Variants in DYRK2 observed in about 807,000 individuals in gnomAD.
The protein encoded by DYRK2 is dual specificity tyrosine phosphorylation regulated kinase 2.
Under a neutral mutation model 41.6 loss-of-function variants are expected in DYRK2, and 12 were observed. The ratio of observed to expected loss-of-function variants is 0.29; its 90% CI spans 0.18 to 0.47. DYRK2 has a LOEUF of 0.47. Among genes scored for constraint, DYRK2 ranks in the 20% least tolerant of loss-of-function variants. The pLI is 1.00. For missense variants in DYRK2, 678 were observed against 798.4 expected, an observed-to-expected ratio of 0.85 and a Z score of 1.82; for synonymous variants, 322 against 315.7, an observed-to-expected ratio of 1.02 and a Z score of -0.21.
At chr12:67,649,220 C>G in intron 1 of DYRK2, 38 bp downstream of exon 1, 1 of 1,454,294 alleles carries the variant, frequency 6.9e-7, no homozygotes, top group South Asian at 1.3e-5. Flanking sequence ...TCCCCGGACC[C>G]CCGCCGGCCC....
At chr12:67,655,058 C>T (rs537738701) in intron 2 of DYRK2, among the ~76,000 whole-genome samples, 15 of 152,210 alleles carry the variant, frequency 9.9e-5, no homozygotes, top group Admixed American at 9.8e-4. Context: ...AGAAGATGGT[C>T]GTTTCTTGTC....
Position 67,658,234 on chromosome 12 carries a change from CA to C in DYRK2, c.1328del (p.Gln443ArgfsTer14). The C allele has an allele frequency of 1.9e-6, 3 of 1,614,196 alleles. No individual in the cohort carries two copies. Among genetic ancestry groups the C allele is most frequent in the Non-Finnish European group, 2.5e-6 (3 of 1,180,038 alleles). ...CMIELLGMPS[Q>X]KLLDASKRAK... Reference sequence around the variant, plus strand: ...GATTGAACTGTTGGGCATGCCCTCACAGAAACTGCTGGATGCATCCAAACGA... The same window carrying C: ...GATTGAACTGTTGGGCATGCCCTCACGAAACTGCTGGATGCATCCAAACGA... On this transcript the variant is annotated frameshift_variant, in exon 3 of 3. Coordinates refer to ENST00000344096, the MANE Select transcript of DYRK2 (RefSeq NM_006482.3). LOFTEE classifies it high-confidence loss of function. This position sits in a 1 kb window ranked among gnomAD's most constrained non-coding sequence, Gnocchi z 4.3.
rs1390937976 is a variant in DYRK2, at chr12:67,649,871, G to A, written c.124G>A (p.Val42Met). 1.5e-6 allele frequency: 2 copies of A among 1,373,082 alleles called. No homozygotes were observed. The highest frequency in any genetic ancestry group is 2.1e-5 in the South Asian group (1 of 47,596). 85.1% of individuals were successfully genotyped at this position (1,373,082 alleles called of 1,614,324 possible). ...CGGTGCAGGGGCCACCCGGAGCGGA[G>A]TGGGGACTGGCCCGCCCTCCCCCAT... ...GLGAGATRSG[V>M]GTGPPSPIAL... Residue 42 changes from valine (V) to methionine (M), a missense_variant, in exon 2 of 3, where the codon GTG becomes ATG. By Grantham distance (21) the Val-to-Met change is conservative. Around this residue, in one of 2 missense-constraint regions of DYRK2, gnomAD observed 285 missense variants for 279.2 expected, o/e 1.02. Transcript: ENST00000344096.
Position 67,648,846 on chromosome 12 carries a change from G to C in DYRK2, c.-288G>C. On this transcript the variant is annotated 5_prime_UTR_variant, in exon 1 of 3. Coordinates refer to ENST00000344096, the MANE Select transcript of DYRK2 (RefSeq NM_006482.3). Reference sequence around the variant, plus strand: ...TGTGAGGGAGACGGGGAGGCCCGCGGCGCGCAGGGGAGGGCGAGGCATGTG... The same window carrying C: ...TGTGAGGGAGACGGGGAGGCCCGCGCCGCGCAGGGGAGGGCGAGGCATGTG... 4.2e-6 allele frequency: 1 copy of C among 237,944 alleles called. No individual in the cohort carries two copies. The highest frequency in any genetic ancestry group is 8.1e-5 in the East Asian group (1 of 12,348). The allele number at this position is 237,944 out of a possible 1,614,324, so 14.7% of individuals were successfully genotyped here. A position where few individuals can be genotyped will look rare whatever the true frequency, so the allele number is the denominator to read the frequency against.
intron 2 of DYRK2, chr12:67,651,520 A>G (rs772760539): frequency 8.9e-6 from 4 of 450,108 alleles, no homozygotes; most frequent in South Asian, 4.8e-5. Context: ...GCACCAGAAA[A>G]GGAAGGATGC....
chr12:67,665,176 TC>T lies in DYRK2; in HGVS notation c.*6465del, dbSNP rs1872713681. On this transcript the variant is annotated 3_prime_UTR_variant, in exon 3 of 3. Coordinates refer to ENST00000344096, the MANE Select transcript of DYRK2 (RefSeq NM_006482.3). ...TTTACAAACTAAAATATTGTGTCTT[TC>T]CTTGCTTTTTATCCCAATTTATCTC... The T allele has an allele frequency of 6.6e-6, 1 of 152,188 alleles. No individual in the cohort carries two copies. Among genetic ancestry groups the T allele is most frequent in the South Asian group, 2.1e-4 (1 of 4,820 alleles). The allele number at this position is 152,188 out of a possible 1,614,324, so 9.4% of individuals were successfully genotyped here.
Position 67,663,433 on chromosome 12 carries a change from A to G in DYRK2, c.*4720A>G, listed in dbSNP as rs546146921. 2.1e-4 allele frequency: 32 copies of G among 152,244 alleles called. No individual in the cohort carries two copies. Among genetic ancestry groups the G allele is most frequent in the African/African-American group, 7.5e-4 (31 of 41,564 alleles). 9.4% of individuals were successfully genotyped at this position (152,244 alleles called of 1,614,324 possible). On this transcript the variant is annotated 3_prime_UTR_variant, in exon 3 of 3. Coordinates refer to ENST00000344096, the MANE Select transcript of DYRK2 (RefSeq NM_006482.3). ...ATTTCCCTTCTGTTACCAACAGCCAAGGAATTACTTAGTGTGGCTCCCTGC... is the reference window on the plus strand; with the variant it reads ...ATTTCCCTTCTGTTACCAACAGCCAGGGAATTACTTAGTGTGGCTCCCTGC...
In DYRK2 at chr12:67,658,702, C is replaced by A; in HGVS notation, c.1795C>A (p.Leu599Ile). Residue 599 changes from leucine (L) to isoleucine (I), a missense_variant, in exon 3 of 3, where the codon CTT (leucine) becomes ATT (isoleucine). This residue lies in a region of DYRK2 where 393 missense variants were observed against 519.1 expected (regional missense o/e 0.76). Transcript: ENST00000344096. This position sits in a 1 kb window ranked among gnomAD's most constrained non-coding sequence, Gnocchi z 4.3. ...TCAGCAGAGGACAGTGTTGCCAAAACTTGTTAGCTGAGCTCACGTCCCCTG... is the reference window on the plus strand; with the variant it reads ...TCAGCAGAGGACAGTGTTGCCAAAAATTGTTAGCTGAGCTCACGTCCCCTG... ...NIQQRTVLPK[L>I]VS 6.2e-7 allele frequency: 1 copy of A among 1,604,928 alleles called. No homozygotes were observed. The highest frequency in any genetic ancestry group is 8.5e-7 in the Non-Finnish European group (1 of 1,175,482).
chr12:67,657,896 A>G lies in DYRK2; in HGVS notation c.989A>G (p.His330Arg). Residue 330 changes from histidine (H) to arginine (R), a missense_variant, in exon 3 of 3, where the codon CAC becomes CGC. Physicochemically the swap from His to Arg is conservative, Grantham distance 29 (BLOSUM62 0). Transcript: ENST00000344096. This position sits in a 1 kb window ranked among gnomAD's most constrained non-coding sequence, Gnocchi z 4.8. Reference sequence around the variant, plus strand: ...CTGCCTTTGGTTCGCAAGTTTGCCCACTCGATTCTGCAGTGCTTGGATGCT... The same window carrying G: ...CTGCCTTTGGTTCGCAAGTTTGCCCGCTCGATTCTGCAGTGCTTGGATGCT... ...FSLPLVRKFA[H>R]SILQCLDALH... 6.2e-7 allele frequency: 1 copy of G among 1,614,208 alleles called. No individual in the cohort carries two copies. The highest frequency in any genetic ancestry group is 8.5e-7 in the Non-Finnish European group (1 of 1,180,040).
At chr12:67,652,062 G>A (rs1480887805) in intron 2 of DYRK2, among the ~76,000 whole-genome samples, 1 of 151,994 alleles carries the variant, frequency 6.6e-6, no homozygotes, top group Non-Finnish European at 1.5e-5. Flanking sequence ...GGGCGGGAGG[G>A]CATTAAGGAG....
Position 67,663,910 on chromosome 12 carries a change from T to C in DYRK2, c.*5197T>C, listed in dbSNP as rs535233737. 2 of 152,292 alleles carry C rather than the reference T, an allele frequency of 1.3e-5. No individual in the cohort carries two copies. The highest frequency in any genetic ancestry group is 4.8e-5 in the African/African-American group (2 of 41,574). The allele number at this position is 152,292 out of a possible 1,614,324, so 9.4% of individuals were successfully genotyped here. A position where few individuals can be genotyped will look rare whatever the true frequency, so the allele number is the denominator to read the frequency against. ...TTGTCTTCAAACTAGCTCTAGAAAA[T>C]GTCCCTAGTTGACATTAGTGTTGGT... On this transcript the variant is annotated 3_prime_UTR_variant, in exon 3 of 3. Coordinates refer to ENST00000344096, the MANE Select transcript of DYRK2 (RefSeq NM_006482.3).
intron 2 of DYRK2, among the ~76,000 whole-genome samples, chr12:67,652,996 A>ATTTTTTTT (rs538431655): frequency 6.6e-6 from 1 of 151,366 alleles, no homozygotes; most frequent in African/African-American, 2.5e-5. Flanking sequence ...TGCCTGGCTA[A>ATTTTTTTT]TTTTTGTATT....
chr12:67,649,813 C>T lies in DYRK2; in HGVS notation c.66C>T (p.Ser22=). 1 of 1,328,712 alleles carries T rather than the reference C, an allele frequency of 7.5e-7. No individual in the cohort carries two copies. The allele number at this position is 1,328,712 out of a possible 1,614,324, so 82.3% of individuals were successfully genotyped here. The stretch of plus-strand genomic sequence containing the variant: ...GGCTTCCAGGCCGAGGTGGGGACAG[C>T]GCCGTTCGTCAGCTTCAGGCTTCCC... ...AAYPTGRGGD[S]AVRQLQASPG... is the part of the protein sequence containing the mutation. Residue 22 remains serine (S), a synonymous_variant, in exon 2 of 3, where the codon AGC becomes AGT. Transcript: ENST00000344096.
Position 67,658,819 on chromosome 12 carries a change from C to A in DYRK2, c.*106C>A. On this transcript the variant is annotated 3_prime_UTR_variant, in exon 3 of 3. Transcript: ENST00000344096. This position sits in a 1 kb window ranked among gnomAD's most constrained non-coding sequence, Gnocchi z 4.3. Reference sequence around the variant, plus strand: ...TGTTTTTATTTGCTCAATAACTCTACTCATTTGTATCTTTTCAGCACTTAA... The same window carrying A: ...TGTTTTTATTTGCTCAATAACTCTAATCATTTGTATCTTTTCAGCACTTAA... 8.0e-7 allele frequency: 1 copy of A among 1,244,856 alleles called. No homozygotes were observed. The highest frequency in any genetic ancestry group is 1.1e-6 in the Non-Finnish European group (1 of 908,114). The allele number at this position is 1,244,856 out of a possible 1,614,324, so 77.1% of individuals were successfully genotyped here.
In DYRK2 at chr12:67,648,848, G is replaced by T; in HGVS notation, c.-286G>T. 1 of 241,946 alleles carries T rather than the reference G, an allele frequency of 4.1e-6. No individual in the cohort carries two copies. 15.0% of individuals were successfully genotyped at this position (241,946 alleles called of 1,614,324 possible). A position where few individuals can be genotyped will look rare whatever the true frequency, so the allele number is the denominator to read the frequency against. ...TGAGGGAGACGGGGAGGCCCGCGGCGCGCAGGGGAGGGCGAGGCATGTGCA... is the reference window on the plus strand; with the variant it reads ...TGAGGGAGACGGGGAGGCCCGCGGCTCGCAGGGGAGGGCGAGGCATGTGCA... On this transcript the variant is annotated 5_prime_UTR_variant, in exon 1 of 3. Transcript: ENST00000344096.
intron 2 of DYRK2, among the ~76,000 whole-genome samples, chr12:67,656,755 T>C (rs1017104672): frequency 3.3e-5 from 5 of 152,188 alleles, no homozygotes; most frequent in Non-Finnish European, 7.3e-5. Flanking sequence ...ACATAGAGTC[T>C]TATGTGTGCA....
rs775800259 is a variant in DYRK2, at chr12:67,658,293, C to A, written c.1386C>A (p.Pro462=). 7 of 1,614,212 alleles carry A rather than the reference C, an allele frequency of 4.3e-6. No individual in the cohort carries two copies. In the Admixed American group the frequency reaches 1.2e-4, roughly 27 times the overall value. ...ATTTTGTGAGCTCCAAGGGTTATCC[C>A]CGTTACTGCACTGTCACGACTCTCT... is the stretch of plus-strand genomic sequence containing the variant. The part of the protein sequence containing the change: ...AKNFVSSKGY[P]RYCTVTTLSD... The change falls in exon 3 of 3, where the codon CCC becomes CCA. Residue 462 remains proline (P), a synonymous_variant. Coordinates refer to ENST00000344096, the MANE Select transcript of DYRK2 (RefSeq NM_006482.3). This position sits in a 1 kb window ranked among gnomAD's most constrained non-coding sequence, Gnocchi z 4.3.
rs1872594915 is a variant in DYRK2 at position 67,660,536 on chromosome 12, C to T, written c.*1823C>T. On this transcript the variant is annotated 3_prime_UTR_variant, in exon 3 of 3. Transcript: ENST00000344096. ...GGTGTCACTGATAAATTAATTTGTA[C>T]TTCTGTGTTTAGAAATTATAGCTTC... 1 of 166,954 alleles carries T rather than the reference C, an allele frequency of 6.0e-6. No individual in the cohort carries two copies. The highest frequency in any genetic ancestry group is 2.4e-5 in the African/African-American group (1 of 41,434). The allele number at this position is 166,954 out of a possible 1,614,324, so 10.3% of individuals were successfully genotyped here.
intron 2 of DYRK2, among the ~76,000 whole-genome samples, chr12:67,656,767 G>GT (rs1872481698): frequency 6.6e-6 from 1 of 152,136 alleles, no homozygotes. Flanking sequence ...ATGTGTGCAT[G>GT]TTTTTTTCTG....
Sources: allele counts gnomAD v4.1 joint callset (sites outside exome capture counted in the v4.1 genomes callset), GRCh38; gene constraint gnomAD v4.1.1; regional missense constraint gnomAD v4.1.1; non-coding constraint Gnocchi (gnomAD v3.1); transcripts MANE v1.5; gene names NCBI Gene and HGNC (gene_info 2026-07-23, HGNC 2026-07-21).